The following FAT3 variants were observed in gnomAD, a reference collection of about 807,000 sequenced individuals.
FAT3 encodes the protein protocadherin Fat 3.
A neutral mutation model predicts 310.2 loss-of-function variants in FAT3; 95 were observed. The observed-to-expected ratio is 0.31, with a 90% CI of 0.26 to 0.36. The LOEUF (loss-of-function observed/expected upper bound fraction) is 0.36, where lower values mean the gene tolerates loss of function less well. Among genes scored for constraint, FAT3 ranks in the 10% least tolerant of loss-of-function variants. The pLI, the probability that FAT3 is intolerant of heterozygous loss-of-function variation, is 1.00. For missense variants in FAT3, 5,408 were observed against 5,715.6 expected (o/e 0.95, Z 1.74); for synonymous variants, 2,314 against 2,192.9 (o/e 1.06, Z -1.54).
At chr11:92,466,447 T>C (rs1480364421) in intron 2 of FAT3, among the ~76,000 whole-genome samples, 1 of 152,124 alleles carries the variant, frequency 6.6e-6, no homozygotes, top group Non-Finnish European at 1.5e-5. Flanking sequence ...TTTTATGTCT[T>C]GTTTTCGAAG....
At chr11:92,673,687 T>A (rs961114048) in intron 3 of FAT3, among the ~76,000 whole-genome samples, 1 of 152,228 alleles carries the variant, frequency 6.6e-6, no homozygotes, top group Non-Finnish European at 1.5e-5. Context: ...GTGCACTGTT[T>A]TCTTAGCTAT....
chr11:92,542,275 G>T (rs1243460571), intron 3 of FAT3, among the ~76,000 whole-genome samples: 1 of 151,912 alleles, frequency 6.6e-6, no homozygotes, highest in Admixed American at 6.6e-5. Flanking sequence ...GCATTGGTTT[G>T]GGCAAAGAAT....
intron 13 of FAT3, among the ~76,000 whole-genome samples, chr11:92,821,456 C>G (rs577565178): frequency 6.6e-6 from 1 of 152,170 alleles, no homozygotes; most frequent in South Asian, 2.1e-4. Flanking sequence ...TATTTTACCC[C>G]CTTCCCCAAA....
intron 3 of FAT3, among the ~76,000 whole-genome samples, chr11:92,529,484 T>C (rs1377084354): frequency 6.6e-6 from 1 of 152,216 alleles, no homozygotes; most frequent in African/African-American, 2.4e-5. Context: ...ACATCTCTTT[T>C]CATTTGTTTC....
chr11:92,850,751 T>C (rs1443565388), intron 19 of FAT3, among the ~76,000 whole-genome samples: 1 of 152,160 alleles, frequency 6.6e-6, no homozygotes, highest in Non-Finnish European at 1.5e-5. Context: ...AGCTAGATAC[T>C]GAAATATTGG....
At chr11:92,458,870 A>G (rs746502356) in intron 2 of FAT3, among the ~76,000 whole-genome samples, 2 of 152,186 alleles carry the variant, frequency 1.3e-5, no homozygotes, top group Non-Finnish European at 2.9e-5. Flanking sequence ...TTAATCCATT[A>G]ACTTTATTCA....
At position 92,761,972 on chromosome 11, in the gene FAT3, G is replaced by A. The variant is rs1169674768; in HGVS notation, c.3786G>A (p.Lys1262=). 4 of 1,613,998 alleles carry A rather than the reference G, an allele frequency of 2.5e-6. No homozygotes were observed. Among genetic ancestry groups the A allele is most frequent in the South Asian group, 2.2e-5 (2 of 91,076 alleles). The change falls in exon 5 of 28, where the codon AAG becomes AAA. Residue 1262 remains lysine (K), a synonymous_variant. Transcript: ENST00000525166. ...PQFPEKVYQI[K]LPERDRKKRG... is the part of the protein sequence containing the mutation. ...TCCCAGAGAAGGTCTACCAGATCAA[G>A]CTGCCAGAACGTGACCGAAAGAAGA... is the stretch of plus-strand genomic sequence containing the variant.
Position 92,305,377 on chromosome 11 carries a change from G to A in FAT3, c.-17-46719G>A, listed in dbSNP as rs543812635. Among the ~76,000 whole-genome samples, 6 of 152,226 alleles carry A rather than the reference G, an allele frequency of 3.9e-5. No individual in the cohort carries two copies. In the South Asian group the frequency reaches 1.2e-3, roughly 32 times the overall value. ...AGAAGAAAAGATGGGAAATGGAAAA[G>A]CACCATTTGGTAAACACCACGGCAA... On this transcript the variant is annotated intron_variant, in intron 1 of 27. Transcript: ENST00000525166.
chr11:92,503,352 C>A (rs990432193), intron 2 of FAT3, among the ~76,000 whole-genome samples: 2 of 151,916 alleles, frequency 1.3e-5, no homozygotes, highest in African/African-American at 4.8e-5. Flanking sequence ...TTAAAGAGTC[C>A]TTATTATGTG....
intron 2 of FAT3, among the ~76,000 whole-genome samples, chr11:92,513,984 A>G (rs922403546): frequency 2.6e-5 from 4 of 152,210 alleles, no homozygotes; most frequent in Non-Finnish European, 5.9e-5. Context: ...GCTAGAAAGT[A>G]GATAAGGTAA....
intron 2 of FAT3, among the ~76,000 whole-genome samples, chr11:92,372,806 G>T (rs531973239): frequency 1.2e-3 from 175 of 151,920 alleles, no homozygotes; most frequent in African/African-American, 4.0e-3. Flanking sequence ...GACTACAGGC[G>T]CCTGCCACCA....
At chr11:92,561,315 T>C (rs1955218981) in intron 3 of FAT3, among the ~76,000 whole-genome samples, 1 of 151,794 alleles carries the variant, frequency 6.6e-6, no homozygotes, top group Non-Finnish European at 1.5e-5. Flanking sequence ...TCCATTATGA[T>C]GCTTACCTAC....
intron 4 of FAT3, among the ~76,000 whole-genome samples, chr11:92,704,734 G>GA (rs1944215599): frequency 6.6e-6 from 1 of 152,074 alleles, no homozygotes; most frequent in South Asian, 2.1e-4. Flanking sequence ...CCAGAACTGT[G>GA]AAAAAACAAA....
At chr11:92,261,254 A>G (rs575464896) in intron 1 of FAT3, among the ~76,000 whole-genome samples, 1 of 152,252 alleles carries the variant, frequency 6.6e-6, no homozygotes, top group African/African-American at 2.4e-5. Context: ...TACTGAGCTT[A>G]CATCATTAAA....
chr11:92,495,373 G>A (rs1952723224), intron 2 of FAT3, among the ~76,000 whole-genome samples: 1 of 152,074 alleles, frequency 6.6e-6, no homozygotes. Flanking sequence ...CTAGTTCAGT[G>A]GGATTGGACA....
chr11:92,598,780 T>C (rs1264850882), intron 3 of FAT3, among the ~76,000 whole-genome samples: 2 of 152,194 alleles, frequency 1.3e-5, no homozygotes, highest in African/African-American at 2.4e-5. Flanking sequence ...CTGGATATCA[T>C]TGGTCAGGTA....
At chr11:92,689,677 C>G (rs1452674281) in intron 3 of FAT3, among the ~76,000 whole-genome samples, 1 of 152,026 alleles carries the variant, frequency 6.6e-6, no homozygotes, top group Non-Finnish European at 1.5e-5. Context: ...TGGGAAGTAT[C>G]CAGGTATTCT....
chr11:92,776,626 GTA>G (rs1946606226), intron 7 of FAT3, among the ~76,000 whole-genome samples: 1 of 152,130 alleles, frequency 6.6e-6, no homozygotes, highest in South Asian at 2.1e-4. Flanking sequence ...TTTGTGGCTA[GTA>G]TACAGTTAGG....
At chr11:92,263,524 A>G (rs753386108) in intron 1 of FAT3, among the ~76,000 whole-genome samples, 10 of 151,960 alleles carry the variant, frequency 6.6e-5, no homozygotes, top group Non-Finnish European at 1.0e-4. Context: ...TTTCTTTCTG[A>G]TGTGAAGATT....
Sources: gnomAD v4.1 joint callset for allele counts (sites outside exome capture counted in the v4.1 genomes callset) on GRCh38, gnomAD v4.1.1 for gene constraint, MANE v1.5 for transcripts, NCBI Gene and HGNC (gene_info 2026-07-23, HGNC 2026-07-21) for gene names.